Variants in SBF2 observed in about 807,000 individuals in gnomAD.
SBF2 encodes the protein SET binding factor 2.
Under a neutral mutation model 225.2 loss-of-function variants are expected in SBF2, and 112 were observed. The observed-to-expected ratio is 0.50, with a 90% CI of 0.43 to 0.58. The LOEUF (loss-of-function observed/expected upper bound fraction) is 0.58, where lower values mean the gene tolerates loss of function less well. SBF2 is among the 20% of genes least tolerant of loss of function. The pLI is 0.00. For synonymous variants in SBF2, 763 were observed against 773.3 expected, an observed-to-expected ratio of 0.99 and a Z score of 0.22; for missense variants, 1,996 against 2,206.2, an observed-to-expected ratio of 0.90 and a Z score of 1.91.
intron 32 of SBF2, 57 bp downstream of exon 32, chr11:9,807,943 G>T: frequency 6.9e-7 from 1 of 1,459,506 alleles, no homozygotes; most frequent in Non-Finnish European, 9.6e-7. Context: ...CTCCATCAAT[G>T]CTAGTATGTT....
rs1251766689 is a variant in SBF2 at position 9,858,310 on chromosome 11, G to A, written c.2016C>T (p.Thr672=). ...IWTNQQFWET[T]FYNAVQEQVR... ...CCTGTTCCTGCACTGCATTGTAAAA[G>A]GTTGTCTCCCAAAATTGCTGATTTG... is the stretch of plus-strand genomic sequence containing the variant. Residue 672 remains threonine (T), a synonymous_variant, in exon 18 of 40, where the codon ACC becomes ACT. Transcript: ENST00000256190. 6.2e-7 allele frequency: 1 copy of A among 1,614,206 alleles called. No individual in the cohort carries two copies. Among genetic ancestry groups the A allele is most frequent in the East Asian group, 2.2e-5 (1 of 44,890 alleles).
At chr11:10,175,274 G>A (rs374112322) in intron 2 of SBF2, among the ~76,000 whole-genome samples, 7,901 of 149,882 alleles carry the variant, frequency 0.053, 280 homozygotes, top group Middle Eastern at 0.14. Context: ...CCCATCTCAC[G>A]TGCAGAGACA....
chr11:9,785,393 A>ATATT (rs959108164), intron 36 of SBF2, 75 bp from the exon 37 acceptor site: 14 of 1,227,034 alleles, frequency 1.1e-5, no homozygotes, highest in Admixed American at 6.8e-5. Context: ...TCATTTACAA[A>ATATT]TATTTATCTC....
At chr11:9,892,037 T>A (rs1230414279) in intron 17 of SBF2, among the ~76,000 whole-genome samples, 3 of 152,212 alleles carry the variant, frequency 2.0e-5, no homozygotes, top group Non-Finnish European at 4.4e-5. Flanking sequence ...ATGACCAAGA[T>A]GTACCACTAA....
Position 9,809,056 on chromosome 11 carries a change from G to T in SBF2, c.4156-54C>A, listed in dbSNP as rs1470879831. On this transcript the variant is annotated intron_variant, in intron 30 of 39. Transcript: ENST00000256190. The stretch of plus-strand genomic sequence containing the variant: ...GACCAAGCGCTTTCTGAGTGCAGAA[G>T]TCAGAGAGAGTTGCTTTCAACCCTG... 21 of 1,323,664 alleles carry T rather than the reference G, an allele frequency of 1.6e-5. No individual in the cohort carries two copies. In the Admixed American group the frequency reaches 3.2e-4, roughly 20 times the overall value. The allele number at this position is 1,323,664 out of a possible 1,614,324, so 82.0% of individuals were successfully genotyped here. A position where few individuals can be genotyped will look rare whatever the true frequency, so the allele number is the denominator to read the frequency against.
chr11:9,962,721 A>G (rs1398529179), intron 15 of SBF2, among the ~76,000 whole-genome samples: 3 of 152,206 alleles, frequency 2.0e-5, no homozygotes, highest in African/African-American at 7.2e-5. Context: ...CCTTCAGTTC[A>G]CCATGTAGGA....
intron 3 of SBF2, among the ~76,000 whole-genome samples, chr11:10,037,811 T>G (rs1173641746): frequency 6.6e-6 from 1 of 151,998 alleles, no homozygotes; most frequent in East Asian, 1.9e-4. Context: ...TTGTAGTACT[T>G]CAGCTAAATC....
intron 1 of SBF2, among the ~76,000 whole-genome samples, chr11:10,239,518 C>T (rs1023862744): frequency 7.4e-5 from 11 of 149,636 alleles, no homozygotes; most frequent in African/African-American, 2.2e-4. Context: ...GTAAGTGAAC[C>T]ACAATATAAT....
At chr11:10,299,939 G>A (rs374463240) in intron 1 of SBF2, among the ~76,000 whole-genome samples, 7 of 152,044 alleles carry the variant, frequency 4.6e-5, no homozygotes, top group East Asian at 1.9e-4. Flanking sequence ...TCTTCATGTC[G>A]GAAAGGGTCC....
chr11:10,054,357 TGACA>T (rs1950174091), intron 2 of SBF2, among the ~76,000 whole-genome samples: 1 of 152,204 alleles, frequency 6.6e-6, no homozygotes, highest in African/African-American at 2.4e-5. Flanking sequence ...AAGTTTTCTT[TGACA>T]TCAGCAATAA....
At chr11:9,788,949 G>C (rs1372491355) in intron 35 of SBF2, among the ~76,000 whole-genome samples, 160 bp downstream of exon 35, 1 of 152,060 alleles carries the variant, frequency 6.6e-6, no homozygotes, top group Non-Finnish European at 1.5e-5. Context: ...GTGAAGCCTG[G>C]TCCCCCACTG....
chr11:10,053,813 A>G (rs1209359220), intron 2 of SBF2, among the ~76,000 whole-genome samples: 1 of 151,986 alleles, frequency 6.6e-6, no homozygotes, highest in Non-Finnish European at 1.5e-5. Flanking sequence ...CCAACTACTC[A>G]GAAGGCTGGG....
chr11:9,827,818 G>A (rs1292965011), intron 28 of SBF2, among the ~76,000 whole-genome samples: 1 of 152,122 alleles, frequency 6.6e-6, no homozygotes, highest in Non-Finnish European at 1.5e-5. Flanking sequence ...TGGTCTTTCT[G>A]CCCTGCAAAT....
intron 3 of SBF2, among the ~76,000 whole-genome samples, chr11:10,034,867 C>G (rs1349929999): frequency 6.6e-6 from 1 of 152,138 alleles, no homozygotes; most frequent in Non-Finnish European, 1.5e-5. Context: ...CCTCCTGAAC[C>G]CTTCATTTCT....
Position 9,871,832 on chromosome 11 carries a change from G to A in SBF2, c.1930-13436C>T, listed in dbSNP as rs181986476. ...AAGTAAAAAAACAACAGATGTTGGT[G>A]AGGTTGCACAGTATAGGAACACTTT... On this transcript the variant is annotated intron_variant, in intron 17 of 39. Transcript: ENST00000256190. Among the ~76,000 whole-genome samples, 392 of 152,170 alleles carry A rather than the reference G, an allele frequency of 2.6e-3. 2 individuals carry two copies. Among genetic ancestry groups the A allele is most frequent in the African/African-American group, 9.0e-3 (373 of 41,534 alleles).
intron 16 of SBF2, chr11:9,960,093 C>T (rs1263566826): frequency 5.5e-6 from 1 of 183,300 alleles, no homozygotes; most frequent in African/African-American, 2.4e-5. Context: ...CTCCTGGGCT[C>T]ATGTGATTCT....
At chr11:10,132,045 C>CACCT (rs1400212921) in intron 2 of SBF2, among the ~76,000 whole-genome samples, 3 of 152,088 alleles carry the variant, frequency 2.0e-5, no homozygotes, top group Admixed American at 1.3e-4. Flanking sequence ...AGTCTTAGGT[C>CACCT]AAGATTATTT....
intron 1 of SBF2, among the ~76,000 whole-genome samples, chr11:10,266,211 A>T (rs1360874976): frequency 2.0e-5 from 3 of 152,242 alleles, no homozygotes; most frequent in African/African-American, 7.2e-5. Flanking sequence ...GGCTAAGCAC[A>T]AACTCAGGTT....
intron 2 of SBF2, among the ~76,000 whole-genome samples, chr11:10,055,937 A>G (rs1322165254): frequency 1.3e-5 from 2 of 152,354 alleles, no homozygotes; most frequent in South Asian, 4.1e-4. Context: ...TGAAATAAAA[A>G]AATTTAAAAT....
Sources: gnomAD v4.1 joint callset for allele counts (sites outside exome capture counted in the v4.1 genomes callset) on GRCh38, gnomAD v4.1.1 for gene constraint, MANE v1.5 for transcripts, NCBI Gene and HGNC (gene_info 2026-07-23, HGNC 2026-07-21) for gene names.